Variants in ANKS6 observed in about 807,000 individuals in gnomAD.
The protein encoded by ANKS6 is ankyrin repeat and SAM domain-containing protein 6.
Under a neutral mutation model 77.9 loss-of-function variants are expected in ANKS6, and 47 were observed. That is an observed-to-expected ratio of 0.60 (90% CI 0.48 to 0.77). The LOEUF is 0.77. Ranked by LOEUF, ANKS6 falls within the 30% of genes least tolerant of loss-of-function variation. The pLI is 0.00. For missense variants in ANKS6, 1,150 were observed against 1,159.1 expected, an observed-to-expected ratio of 0.99 and a Z score of 0.11; for synonymous variants, 488 against 501.7, an observed-to-expected ratio of 0.97 and a Z score of 0.37.
intron 14 of ANKS6, 150 bp from the exon 15 acceptor site, chr9:98,736,773 G>A (rs1336745843): frequency 3.9e-6 from 4 of 1,027,430 alleles, no homozygotes; most frequent in Non-Finnish European, 5.7e-6. Flanking sequence ...AAAGAGTACC[G>A]AGTTCAATAA....
chr9:98,779,360 G>C (rs1227044339), intron 6 of ANKS6, among the ~76,000 whole-genome samples: 1 of 152,170 alleles, frequency 6.6e-6, no homozygotes, highest in Non-Finnish European at 1.5e-5. Context: ...CCCCAGAGTG[G>C]CATGATCAGC....
rs149362946 is a variant in ANKS6 at position 98,771,099 on chromosome 9, C to T, written c.1822-53G>A. On this transcript the variant is annotated intron_variant, in intron 9 of 14. Coordinates refer to ENST00000353234, the MANE Select transcript of ANKS6 (RefSeq NM_173551.5). ...TAGGGAGGCTGCTCCTCCCTCCAGC[C>T]GTGCAGGATCACAGTGTGGGGGTTC... 732 of 1,438,472 alleles carry T rather than the reference C, an allele frequency of 5.1e-4. 2 individuals are homozygous for T. In the African/African-American group the frequency reaches 8.1e-3, roughly 16 times the overall value. 89.1% of individuals were successfully genotyped at this position (1,438,472 alleles called of 1,614,324 possible). A position where few individuals can be genotyped will look rare whatever the true frequency, so the allele number is the denominator to read the frequency against.
chr9:98,779,093 T>C (rs1411017139), intron 6 of ANKS6, among the ~76,000 whole-genome samples: 1 of 152,144 alleles, frequency 6.6e-6, no homozygotes, highest in Admixed American at 6.5e-5. Context: ...GAGCCAGCAA[T>C]GGACACAAAA....
At chr9:98,758,709 CAG>C (rs1832849970) in intron 11 of ANKS6, among the ~76,000 whole-genome samples, 1 of 152,230 alleles carries the variant, frequency 6.6e-6, no homozygotes, top group African/African-American at 2.4e-5. Context: ...CCAACATCCA[CAG>C]AGTTTGTTCT....
rs541267399 is a variant in ANKS6 at position 98,784,361 on chromosome 9, G to A, written c.908-204C>T. ...CTAGGCGAGACAGAGACAAACACACGAATGGGCAGAAGTGTTACCAAAAGA... is the reference window on the plus strand; with the variant it reads ...CTAGGCGAGACAGAGACAAACACACAAATGGGCAGAAGTGTTACCAAAAGA... On this transcript the variant is annotated intron_variant, in intron 3 of 14. Transcript: ENST00000353234. 310 of 485,958 alleles carry A rather than the reference G, an allele frequency of 6.4e-4. 1 individual carries two copies. The highest frequency in any genetic ancestry group is 5.3e-3 in the African/African-American group (267 of 50,446). The allele number at this position is 485,958 out of a possible 1,614,324, so 30.1% of individuals were successfully genotyped here.
intron 14 of ANKS6, 36 bp from the exon 15 acceptor site, chr9:98,736,659 T>C: frequency 6.4e-7 from 1 of 1,561,192 alleles, no homozygotes. Context: ...CAGAAAGTCT[T>C]ATTAAACCTT....
Position 98,790,573 on chromosome 9 carries a change from CA to C in ANKS6, c.392del (p.Leu131TrpfsTer30), listed in dbSNP as rs1459072436. 6.2e-7 allele frequency: 1 copy of C among 1,607,088 alleles called. No individual in the cohort carries two copies. The highest frequency in any genetic ancestry group is 8.5e-7 in the Non-Finnish European group (1 of 1,174,572). On this transcript the variant is annotated frameshift_variant, in exon 2 of 15. Coordinates refer to ENST00000353234, the MANE Select transcript of ANKS6 (RefSeq NM_173551.5). LOFTEE classifies it high-confidence loss of function. ...GGGCATTGACATCAGCCCCGTGATC[CA>C]ACAGGAGGTGTGCCACACTCACATG... ...FGHVSVAHLL[L>X]DHGADVNAQN...
chr9:98,743,208 C>T (rs1332331655), intron 14 of ANKS6, among the ~76,000 whole-genome samples: 1 of 152,210 alleles, frequency 6.6e-6, no homozygotes, highest in Non-Finnish European at 1.5e-5. Context: ...CCTTGGCTCA[C>T]ACATCTGGCC....
rs1215106999 is a variant in ANKS6 at position 98,734,750 on chromosome 9, G to A, written c.*1769C>T. Reference sequence around the variant, plus strand: ...TCCAGGGTGGCCATGAGGATGAAATGACAAAGGTAAAGCTGCCAGCACATA... The same window carrying A: ...TCCAGGGTGGCCATGAGGATGAAATAACAAAGGTAAAGCTGCCAGCACATA... On this transcript the variant is annotated 3_prime_UTR_variant, in exon 15 of 15. Coordinates refer to ENST00000353234, the MANE Select transcript of ANKS6 (RefSeq NM_173551.5). 1.7e-5 allele frequency: 17 copies of A among 979,488 alleles called. No individual in the cohort carries two copies. The highest frequency in any genetic ancestry group is 2.1e-5 in the Non-Finnish European group (17 of 824,562). The allele number at this position is 979,488 out of a possible 1,614,324, so 60.7% of individuals were successfully genotyped here. A position where few individuals can be genotyped will look rare whatever the true frequency, so the allele number is the denominator to read the frequency against.
chr9:98,790,491 C>T lies in ANKS6; in HGVS notation c.475G>A (p.Val159Met). 12 of 1,613,560 alleles carry T rather than the reference C, an allele frequency of 7.4e-6. No individual in the cohort carries two copies. Among genetic ancestry groups the T allele is most frequent in the African/African-American group, 1.3e-5 (1 of 75,056 alleles). The change falls in exon 2 of 15, where the codon GTG becomes ATG. Residue 159 changes from valine to methionine, a missense_variant. Val to Met is a conservative substitution (Grantham distance 21). Coordinates refer to ENST00000353234, the MANE Select transcript of ANKS6 (RefSeq NM_173551.5). ...CCGGCTTCCAGGAGCAGCTTCACCACACCCAGGTGGCCGCCCCGAGAAGCC... is the reference window on the plus strand; with the variant it reads ...CCGGCTTCCAGGAGCAGCTTCACCATACCCAGGTGGCCGCCCCGAGAAGCC... ...TVASRGGHLGVVKLLLEAGAF... is the reference protein window; with the variant it reads ...TVASRGGHLGMVKLLLEAGAF...
At chr9:98,739,774 T>TTTTTTTTTTTTTTTA (rs71369574) in intron 14 of ANKS6, among the ~76,000 whole-genome samples, 3 of 129,604 alleles carry the variant, frequency 2.3e-5, no homozygotes, top group South Asian at 2.5e-4. Flanking sequence ...TTTTTTTTTT[T>TTTTTTTTTTTTTTTA]GAGACGGAGT....
At position 98,782,530 on chromosome 9, in the gene ANKS6, C is replaced by T. The variant is rs759188928; in HGVS notation, c.1156G>A (p.Val386Ile). 1 of 1,614,196 alleles carries T rather than the reference C, an allele frequency of 6.2e-7. No individual in the cohort carries two copies. The highest frequency in any genetic ancestry group is 8.5e-7 in the Non-Finnish European group (1 of 1,180,020). Reference sequence around the variant, plus strand: ...TATCCATTTTTTGCACGAAGAGTGACATCGGCCCCTTGGTTTAGCAGATAT... The same window carrying T: ...TATCCATTTTTTGCACGAAGAGTGATATCGGCCCCTTGGTTTAGCAGATAT... ...VKYLLNQGAD[V>I]TLRAKNGYTA... The change falls in exon 5 of 15, where the codon GTC becomes ATC. Residue 386 changes from valine to isoleucine, a missense_variant. Coordinates refer to ENST00000353234, the MANE Select transcript of ANKS6 (RefSeq NM_173551.5).
At chr9:98,783,879 C>A in intron 4 of ANKS6, 74 bp downstream of exon 4, 3 of 1,350,570 alleles carry the variant, frequency 2.2e-6, no homozygotes, top group Non-Finnish European at 2.9e-6. Flanking sequence ...ACCAGAAGAG[C>A]CCATTGGGAA....
intron 13 of ANKS6, among the ~76,000 whole-genome samples, chr9:98,746,691 C>T (rs1832153050): frequency 1.3e-5 from 2 of 151,960 alleles, no homozygotes; most frequent in Non-Finnish European, 2.9e-5. Context: ...TCCACAATGC[C>T]ACATCACCCT....
At chr9:98,785,823 G>A (rs7047722) in intron 2 of ANKS6, among the ~76,000 whole-genome samples, 85,805 of 151,938 alleles carry the variant, frequency 0.56, 24,636 homozygotes, top group Non-Finnish European at 0.62. Context: ...TGGAGTCAGT[G>A]CACGTGAATT....
At chr9:98,792,650 C>G (rs963939355) in intron 1 of ANKS6, among the ~76,000 whole-genome samples, 2 of 152,164 alleles carry the variant, frequency 1.3e-5, no homozygotes, top group African/African-American at 4.8e-5. Flanking sequence ...TAATCCCTAA[C>G]AGCAGATTAC....
At position 98,735,009 on chromosome 9, in the gene ANKS6, T is replaced by C. The variant is rs989017670; in HGVS notation, c.*1510A>G. 27 of 985,324 alleles carry C rather than the reference T, an allele frequency of 2.7e-5. No homozygotes were observed. The East Asian group carries it at 2.6e-3, about 95-fold the overall frequency. 61.0% of individuals were successfully genotyped at this position (985,324 alleles called of 1,614,324 possible). A position where few individuals can be genotyped will look rare whatever the true frequency, so the allele number is the denominator to read the frequency against. ...TAACGACAGCCTCTGAAAGCCAGCA[T>C]AGGGGAATGGGCTTTCATGGCTGGG... On this transcript the variant is annotated 3_prime_UTR_variant, in exon 15 of 15. Coordinates refer to ENST00000353234, the MANE Select transcript of ANKS6 (RefSeq NM_173551.5).
intron 2 of ANKS6, among the ~76,000 whole-genome samples, chr9:98,789,035 C>CT (rs111230371): frequency 0.069 from 9,418 of 137,210 alleles, 376 homozygotes; most frequent in Non-Finnish European, 0.1. Flanking sequence ...TGGTGTATTT[C>CT]TTTTTTTTTT....
Position 98,735,386 on chromosome 9 carries a change from G to A in ANKS6, c.*1133C>T. ...TAAATGCAACAAGCACTGGCTGAAT[G>A]AGTCATTCACTGGAAAACACTTCAG... On this transcript the variant is annotated 3_prime_UTR_variant, in exon 15 of 15. Coordinates refer to ENST00000353234, the MANE Select transcript of ANKS6 (RefSeq NM_173551.5). The A allele has an allele frequency of 2.7e-6, 3 of 1,108,718 alleles. No homozygotes were observed. Among genetic ancestry groups the A allele is most frequent in the Non-Finnish European group, 3.3e-6 (3 of 911,206 alleles). The allele number at this position is 1,108,718 out of a possible 1,614,324, so 68.7% of individuals were successfully genotyped here.
Sources: gnomAD v4.1 joint callset for allele counts (sites outside exome capture counted in the v4.1 genomes callset) on GRCh38, gnomAD v4.1.1 for gene constraint, MANE v1.5 for transcripts, NCBI Gene and HGNC (gene_info 2026-07-23, HGNC 2026-07-21) for gene names.